Variants in ZNF521 observed in about 807,000 individuals in gnomAD.
The protein encoded by ZNF521 is LYST-interacting protein 3.
Under a neutral mutation model 105.5 loss-of-function variants are expected in ZNF521, and 14 were observed. The ratio of observed to expected loss-of-function variants is 0.13; its 90% CI spans 0.09 to 0.21. The LOEUF (loss-of-function observed/expected upper bound fraction) is 0.21. Among genes scored for constraint, ZNF521 ranks in the 10% least tolerant of loss-of-function variants. The pLI is 1.00. For missense variants in ZNF521, 1,233 were observed against 1,629.7 expected, an observed-to-expected ratio of 0.76 and a Z score of 4.19; for synonymous variants, 635 against 606.0, an observed-to-expected ratio of 1.05 and a Z score of -0.70.
intron 5 of ZNF521, among the ~76,000 whole-genome samples, chr18:25,155,212 C>T (rs1321191175): frequency 6.6e-6 from 1 of 152,242 alleles, no homozygotes; most frequent in South Asian, 2.1e-4. Flanking sequence ...CAAGTCCTGT[C>T]ATCTATTCAA....
At chr18:25,149,339 C>G (rs1035559984) in intron 5 of ZNF521, among the ~76,000 whole-genome samples, 2 of 152,108 alleles carry the variant, frequency 1.3e-5, no homozygotes, top group African/African-American at 4.8e-5. Flanking sequence ...ATAGAACTTT[C>G]CTATAGTAAG....
intron 3 of ZNF521, among the ~76,000 whole-genome samples, chr18:25,264,956 A>G (rs911471420): frequency 6.6e-6 from 1 of 152,208 alleles, no homozygotes; most frequent in African/African-American, 2.4e-5. Flanking sequence ...CTGCAGGAAA[A>G]TAACAGCATA....
chr18:25,216,970 C>T (rs1905366418), intron 4 of ZNF521, among the ~76,000 whole-genome samples: 1 of 152,122 alleles, frequency 6.6e-6, no homozygotes, highest in South Asian at 2.1e-4. Flanking sequence ...AACAGACAGG[C>T]TGTTTGGGAA....
At chr18:25,146,480 G>T (rs2034945801) in intron 5 of ZNF521, among the ~76,000 whole-genome samples, 1 of 152,078 alleles carries the variant, frequency 6.6e-6, no homozygotes, top group Non-Finnish European at 1.5e-5. Context: ...TAGAAAACTA[G>T]AAAGGATAGA....
At chr18:25,300,586 TA>T (rs780138332) in intron 3 of ZNF521, among the ~76,000 whole-genome samples, 36 of 128,492 alleles carry the variant, frequency 2.8e-4, no homozygotes, top group African/African-American at 1.1e-3. Flanking sequence ...AAAGCAAACT[TA>T]AATAAAAAAG....
chr18:25,272,222 A>C (rs1236531031), intron 3 of ZNF521, among the ~76,000 whole-genome samples: 1 of 152,252 alleles, frequency 6.6e-6, no homozygotes, highest in Non-Finnish European at 1.5e-5. Context: ...ATATTATCTC[A>C]TGCCAGTTAG....
rs140368071 is a variant in ZNF521 at position 25,091,823 on chromosome 18, T to C, written c.3790+127A>G. On this transcript the variant is annotated intron_variant, in intron 6 of 7. Coordinates refer to ENST00000361524, the MANE Select transcript of ZNF521 (RefSeq NM_015461.3). ...ATGCTAATAAAGCAGAAATCAAACA[T>C]CTTCCCCCCAAATTGAACTGAAGTC... 6.7e-4 allele frequency: 785 copies of C among 1,179,984 alleles called. 6 individuals are homozygous for C. In the East Asian group the frequency reaches 0.014, roughly 21 times the overall value. The allele number at this position is 1,179,984 out of a possible 1,614,324, so 73.1% of individuals were successfully genotyped here. A position where few individuals can be genotyped will look rare whatever the true frequency, so the allele number is the denominator to read the frequency against.
chr18:25,158,273 T>C (rs958278555), intron 5 of ZNF521, among the ~76,000 whole-genome samples: 1 of 152,094 alleles, frequency 6.6e-6, no homozygotes, highest in African/African-American at 2.4e-5. Context: ...ATTTAAAGTA[T>C]ATATGCATGT....
At position 25,321,896 on chromosome 18, in the gene ZNF521, A is replaced by G. The variant is rs923458362; in HGVS notation, c.220+112T>C. ...AAAGCACCTCTAGACTTAGCTAGGTATTCAAATGTAGGAATAAAATAATTT... is the reference window on the plus strand; with the variant it reads ...AAAGCACCTCTAGACTTAGCTAGGTGTTCAAATGTAGGAATAAAATAATTT... On this transcript the variant is annotated intron_variant, in intron 3 of 7. Transcript: ENST00000361524. 1.9e-5 allele frequency: 20 copies of G among 1,055,778 alleles called. No individual in the cohort carries two copies. In the African/African-American group the frequency reaches 2.2e-4, roughly 12 times the overall value. The allele number at this position is 1,055,778 out of a possible 1,614,324, so 65.4% of individuals were successfully genotyped here.
chr18:25,298,542 C>A (rs1291483234), intron 3 of ZNF521, among the ~76,000 whole-genome samples: 1 of 152,162 alleles, frequency 6.6e-6, no homozygotes, highest in Non-Finnish European at 1.5e-5. Flanking sequence ...ACCACTCTAT[C>A]CCTAGGACTT....
At chr18:25,201,897 G>GT (rs373462177) in intron 4 of ZNF521, 4 of 152,244 alleles carry the variant, frequency 2.6e-5, no homozygotes, top group African/African-American at 9.6e-5. Flanking sequence ...GATATGAAAA[G>GT]TAAGTGAGAA....
intron 4 of ZNF521, among the ~76,000 whole-genome samples, chr18:25,208,727 C>T (rs1462932120): frequency 6.6e-6 from 1 of 152,272 alleles, no homozygotes; most frequent in East Asian, 1.9e-4. Context: ...ACATTTAAAA[C>T]CAACTTGTTA....
At chr18:25,164,063 T>G (rs1045872088) in intron 5 of ZNF521, among the ~76,000 whole-genome samples, 1 of 152,174 alleles carries the variant, frequency 6.6e-6, no homozygotes, top group African/African-American at 2.4e-5. Flanking sequence ...TAACAGGATA[T>G]TACTCCCAGT....
Position 25,279,389 on chromosome 18 carries a change from A to G in ZNF521, c.220+42619T>C, listed in dbSNP as rs1018859242. The stretch of plus-strand genomic sequence containing the variant: ...TGTAAACGAGCTTCATAGAGTATTT[A>G]TTTTTGACAAAGCTCTGTATGAATG... On this transcript the variant is annotated intron_variant, in intron 3 of 7. Coordinates refer to ENST00000361524, the MANE Select transcript of ZNF521 (RefSeq NM_015461.3). Among the ~76,000 whole-genome samples the G allele has an allele frequency of 2.6e-5, 4 of 152,280 alleles. No individual in the cohort carries two copies. In the East Asian group the frequency reaches 7.7e-4, roughly 29 times the overall value.
At chr18:25,300,337 C>G (rs190355383) in intron 3 of ZNF521, among the ~76,000 whole-genome samples, 2 of 152,158 alleles carry the variant, frequency 1.3e-5, no homozygotes. Flanking sequence ...TAGCTACTAA[C>G]TTTCATAACC....
chr18:25,329,676 G>T (rs544041805), intron 2 of ZNF521, among the ~76,000 whole-genome samples: 8 of 152,198 alleles, frequency 5.3e-5, no homozygotes, highest in African/African-American at 1.9e-4. Context: ...GCTAGAGCAC[G>T]AAGGAACTCC....
At chr18:25,237,788 CT>C (rs1466421449) in intron 3 of ZNF521, among the ~76,000 whole-genome samples, 1 of 152,134 alleles carries the variant, frequency 6.6e-6, no homozygotes, top group African/African-American at 2.4e-5. Context: ...TTAAGATGGC[CT>C]GTTGTTTGGC....
chr18:25,266,862 T>G (rs532632959), intron 3 of ZNF521, among the ~76,000 whole-genome samples: 1 of 151,960 alleles, frequency 6.6e-6, no homozygotes, highest in African/African-American at 2.4e-5. Context: ...TGCAGGAGGT[T>G]TTTGTTTTTG....
At chr18:25,137,041 G>A (rs377283094) in intron 5 of ZNF521, among the ~76,000 whole-genome samples, 1 of 152,048 alleles carries the variant, frequency 6.6e-6, no homozygotes, top group African/African-American at 2.4e-5. Flanking sequence ...GATGAGTCTC[G>A]CCACACCACA....
Sources: allele counts gnomAD v4.1 joint callset (sites outside exome capture counted in the v4.1 genomes callset), GRCh38; gene constraint gnomAD v4.1.1; transcripts MANE v1.5; gene names NCBI Gene and HGNC (gene_info 2026-07-23, HGNC 2026-07-21).